Variants in FSHR observed in about 807,000 individuals in gnomAD.
FSHR encodes follicle stimulating hormone receptor.
A neutral mutation model predicts 52.1 loss-of-function variants in FSHR; 46 were observed. The observed-to-expected ratio is 0.88, with a 90% confidence interval of 0.70 to 1.13. The LOEUF is 1.13. Ranked by LOEUF, FSHR falls within the 50% of genes most tolerant of loss-of-function variation. The probability of loss-of-function intolerance (pLI) is 0.00; values close to 1 mark genes in which losing one functional copy is unlikely to be tolerated. For synonymous variants in FSHR, 399 were observed against 309.6 expected (o/e 1.29, Z -3.03); for missense variants, 964 against 834.6 (o/e 1.16, Z -1.91).
chr2:49,097,467 A>T (rs539977482), intron 1 of FSHR, among the ~76,000 whole-genome samples: 10 of 152,314 alleles, frequency 6.6e-5, no homozygotes, highest in African/African-American at 2.2e-4. Flanking sequence ...ACAGCAGAGA[A>T]CAAGAAATGA....
chr2:49,071,069 G>A (rs1347845852), intron 1 of FSHR, among the ~76,000 whole-genome samples: 5 of 152,128 alleles, frequency 3.3e-5, no homozygotes, highest in Admixed American at 3.3e-4. Flanking sequence ...CATGAGATGA[G>A]ATGTGGAAGA....
Position 48,968,601 on chromosome 2 carries a change from T to TAGAG in FSHR, c.854+96_854+97insCTCT. 21 of 1,425,576 alleles carry TAGAG rather than the reference T, an allele frequency of 1.5e-5. No individual in the cohort carries two copies. The South Asian group carries it at 2.5e-4, about 17-fold the overall frequency. The allele number at this position is 1,425,576 out of a possible 1,614,324, so 88.3% of individuals were successfully genotyped here. A position where few individuals can be genotyped will look rare whatever the true frequency, so the allele number is the denominator to read the frequency against. Reference sequence around the variant, plus strand: ...AAAGGGCTTGAGACAGGGAACTCTCTGCAAGTAGATTCTCTTCATGTCACA... The same window carrying TAGAG: ...AAAGGGCTTGAGACAGGGAACTCTCTAGAGGCAAGTAGATTCTCTTCATGTCACA... On this transcript the variant is annotated intron_variant, in intron 9 of 9. Transcript: ENST00000406846.
intron 1 of FSHR, among the ~76,000 whole-genome samples, chr2:49,094,065 A>G (rs538671502): frequency 6.6e-6 from 1 of 152,200 alleles, no homozygotes; most frequent in Admixed American, 6.5e-5. Flanking sequence ...TCTATATTTC[A>G]TTAGTTTCCT....
intron 1 of FSHR, among the ~76,000 whole-genome samples, chr2:49,127,114 G>C (rs532926664): frequency 6.6e-6 from 1 of 152,290 alleles, no homozygotes. Context: ...GATCACCTGA[G>C]GTCAGGAGTT....
intron 1 of FSHR, 40 bp downstream of exon 1, chr2:49,154,226 T>G (rs770399108): frequency 2.7e-5 from 43 of 1,603,926 alleles, no homozygotes; most frequent in Non-Finnish European, 3.6e-5. Context: ...AATGCACAAA[T>G]GCCAGCCATG....
intron 1 of FSHR, among the ~76,000 whole-genome samples, chr2:49,083,232 A>G (rs1204266706): frequency 3.6e-4 from 53 of 149,088 alleles, no homozygotes; most frequent in Non-Finnish European, 6.7e-4. Flanking sequence ...AGAATTTCAT[A>G]TCCAGCCAAA....
At chr2:49,014,645 T>C (rs1340547296) in intron 4 of FSHR, 2 of 268,894 alleles carry the variant, frequency 7.4e-6, no homozygotes, top group Admixed American at 1.0e-4. Flanking sequence ...TGAGGTCAAA[T>C]TCTGAATCCC....
intron 1 of FSHR, among the ~76,000 whole-genome samples, chr2:49,146,322 T>C (rs1426494974): frequency 6.6e-6 from 1 of 152,072 alleles, no homozygotes; most frequent in East Asian, 1.9e-4. Flanking sequence ...GAAAGTCTAG[T>C]GCTCAAGGAT....
intron 1 of FSHR, among the ~76,000 whole-genome samples, chr2:49,071,380 C>T (rs1157435538): frequency 6.6e-6 from 1 of 151,944 alleles, no homozygotes. Flanking sequence ...AAAATATCTT[C>T]AAAATTATTA....
chr2:49,089,174 G>A (rs182927297), intron 1 of FSHR, among the ~76,000 whole-genome samples: 10 of 151,442 alleles, frequency 6.6e-5, no homozygotes, highest in South Asian at 2.1e-4. Context: ...GGTGATAACC[G>A]GATTATATCT....
At chr2:48,989,273 C>CTTTTTT (rs70946840) in intron 5 of FSHR, among the ~76,000 whole-genome samples, 52 of 120,802 alleles carry the variant, frequency 4.3e-4, no homozygotes, top group African/African-American at 1.7e-3. Context: ...CATTCAGTGT[C>CTTTTTT]TTTTTTTTTT....
intron 1 of FSHR, among the ~76,000 whole-genome samples, chr2:49,150,268 G>T (rs1165864163): frequency 6.6e-6 from 1 of 151,938 alleles, no homozygotes; most frequent in African/African-American, 2.4e-5. Context: ...GTAAGTCCAT[G>T]GAGATTAAGT....
intron 1 of FSHR, among the ~76,000 whole-genome samples, chr2:49,143,207 T>C (rs1038373268): frequency 2.0e-5 from 3 of 152,070 alleles, no homozygotes; most frequent in Non-Finnish European, 1.5e-5. Flanking sequence ...GCAGAGGAGA[T>C]CAAAGTTTTG....
At chr2:49,053,914 A>T (rs1668960556) in intron 2 of FSHR, among the ~76,000 whole-genome samples, 1 of 152,144 alleles carries the variant, frequency 6.6e-6, no homozygotes, top group African/African-American at 2.4e-5. Flanking sequence ...TATGACATAG[A>T]CCTTAGTATT....
chr2:49,076,918 G>A (rs1009930423), intron 1 of FSHR, among the ~76,000 whole-genome samples: 19 of 152,326 alleles, frequency 1.2e-4, no homozygotes, highest in Admixed American at 1.0e-3. Flanking sequence ...AATGTAAGAG[G>A]TGGGTTCCAT....
chr2:49,136,348 A>G (rs1363715994), intron 1 of FSHR, among the ~76,000 whole-genome samples: 7 of 152,116 alleles, frequency 4.6e-5, no homozygotes, highest in African/African-American at 7.2e-5. Flanking sequence ...GATTGTGTCA[A>G]CTGGAGAGAT....
intron 1 of FSHR, among the ~76,000 whole-genome samples, chr2:49,085,981 G>A (rs1345810617): frequency 4.6e-5 from 7 of 150,704 alleles, no homozygotes; most frequent in Non-Finnish European, 8.9e-5. Flanking sequence ...GGGGAGTGGG[G>A]AGGGATAGCA....
At chr2:49,107,082 A>G (rs961743693) in intron 1 of FSHR, among the ~76,000 whole-genome samples, 3 of 152,198 alleles carry the variant, frequency 2.0e-5, no homozygotes, top group African/African-American at 7.2e-5. Context: ...TATCACCTGT[A>G]GAATAAAATT....
chr2:49,012,650 C>G (rs928523208), intron 4 of FSHR, among the ~76,000 whole-genome samples: 1 of 152,112 alleles, frequency 6.6e-6, no homozygotes, highest in African/African-American at 2.4e-5. Flanking sequence ...TGATGATTAA[C>G]ATTTATCCTG....
Sources: allele counts gnomAD v4.1 joint callset (sites outside exome capture counted in the v4.1 genomes callset), GRCh38; gene constraint gnomAD v4.1.1; transcripts MANE v1.5; gene names NCBI Gene and HGNC (gene_info 2026-07-23, HGNC 2026-07-21).